The following DTNBP1 variants were observed in gnomAD, a reference collection of about 807,000 sequenced individuals.
DTNBP1 encodes dystrobrevin binding protein 1.
In DTNBP1, 35 loss-of-function variants were observed where a neutral mutation model predicts 42.8. The observed-to-expected ratio is 0.82, with a 90% CI of 0.63 to 1.09. The LOEUF (loss-of-function observed/expected upper bound fraction) is 1.09. DTNBP1 is among the 50% of genes least tolerant of loss of function. The pLI, the probability that DTNBP1 is intolerant of heterozygous loss-of-function variation, is 0.00. For synonymous variants in DTNBP1, 171 were observed against 162.2 expected, an observed-to-expected ratio of 1.05 and a Z score of -0.41; for missense variants, 457 against 424.2, an observed-to-expected ratio of 1.08 and a Z score of -0.68.
At chr6:15,646,980 C>T (rs922265679) in intron 3 of DTNBP1, among the ~76,000 whole-genome samples, 1 of 151,856 alleles carries the variant, frequency 6.6e-6, no homozygotes, top group African/African-American at 2.4e-5. Flanking sequence ...ACTAAGACAT[C>T]AAAAACAATT....
intron 9 of DTNBP1, chr6:15,523,436 A>G: frequency 7.9e-7 from 1 of 1,273,238 alleles, no homozygotes; most frequent in Non-Finnish European, 1.0e-6. Context: ...CTGTCCCCTA[A>G]GGAGTCAGCC....
At chr6:15,523,460 A>G (rs1230008240) in intron 9 of DTNBP1, 9 of 1,300,868 alleles carry the variant, frequency 6.9e-6, no homozygotes, top group Non-Finnish European at 8.0e-6. Context: ...TGTGACACAG[A>G]TCAAGTGCTC....
intron 7 of DTNBP1, among the ~76,000 whole-genome samples, chr6:15,560,303 CAAAA>C (rs551642924): frequency 7.5e-6 from 1 of 133,834 alleles, no homozygotes; most frequent in Non-Finnish European, 1.6e-5. Flanking sequence ...GAGACTGTCT[CAAAA>C]AAAAAAAAAG....
intron 6 of DTNBP1, 112 bp from the exon 7 acceptor site, chr6:15,593,193 T>C: frequency 1.0e-6 from 1 of 964,738 alleles, no homozygotes; most frequent in Non-Finnish European, 1.6e-6. Context: ...CACAGTGGTA[T>C]TTCTGGATCT....
intron 6 of DTNBP1, among the ~76,000 whole-genome samples, chr6:15,605,730 C>A (rs766031444): frequency 1.3e-5 from 2 of 152,024 alleles, no homozygotes; most frequent in African/African-American, 4.8e-5. Context: ...TCTTTCTTTA[C>A]GAAAAATGTA....
intron 7 of DTNBP1, among the ~76,000 whole-genome samples, chr6:15,555,263 T>C (rs867093431): frequency 1.3e-5 from 2 of 151,556 alleles, no homozygotes; most frequent in African/African-American, 4.9e-5. Flanking sequence ...ATATTTACCA[T>C]TTAGGATGTT....
chr6:15,650,415 G>C (rs1311594420), intron 3 of DTNBP1, among the ~76,000 whole-genome samples: 3 of 152,060 alleles, frequency 2.0e-5, no homozygotes, highest in Non-Finnish European at 4.4e-5. Flanking sequence ...CGAGTAGCTA[G>C]GATTGCAGGC....
At chr6:15,626,667 A>C (rs1467601001) in intron 5 of DTNBP1, among the ~76,000 whole-genome samples, 2 of 152,234 alleles carry the variant, frequency 1.3e-5, no homozygotes, top group African/African-American at 4.8e-5. Flanking sequence ...AAAGAATACC[A>C]ACATAATCCA....
At chr6:15,559,889 G>A (rs1774744216) in intron 7 of DTNBP1, among the ~76,000 whole-genome samples, 1 of 152,158 alleles carries the variant, frequency 6.6e-6, no homozygotes, top group Admixed American at 6.5e-5. Context: ...CCCACAACCA[G>A]GAGGATGCAG....
At chr6:15,662,748 G>A in intron 1 of DTNBP1, 66 bp downstream of exon 1, 3 of 1,598,696 alleles carry the variant, frequency 1.9e-6, no homozygotes, top group East Asian at 4.5e-5. Context: ...AGGGAGCGAG[G>A]CAGGGGCATC....
intron 6 of DTNBP1, among the ~76,000 whole-genome samples, chr6:15,607,389 C>T (rs570907435): frequency 6.6e-6 from 1 of 152,258 alleles, no homozygotes; most frequent in African/African-American, 2.4e-5. Context: ...GCAACCTCCA[C>T]CTCCGGAGTT....
intron 5 of DTNBP1, among the ~76,000 whole-genome samples, chr6:15,617,150 C>G (rs977787965): frequency 2.0e-5 from 3 of 152,028 alleles, no homozygotes; most frequent in Non-Finnish European, 4.4e-5. Context: ...TTGCTTGAGC[C>G]TAGGAGTTTC....
At chr6:15,548,428 AACACACACAGACAC>A (rs1392282224) in intron 7 of DTNBP1, 1 of 118,592 alleles carries the variant, frequency 8.4e-6, no homozygotes, top group Non-Finnish European at 1.7e-5. Flanking sequence ...TCTAAGCTTA[AACACACACAGACAC>A]ACACACACAC....
At chr6:15,529,259 T>C (rs1448984632) in intron 8 of DTNBP1, among the ~76,000 whole-genome samples, 1 of 152,178 alleles carries the variant, frequency 6.6e-6, no homozygotes, top group East Asian at 1.9e-4. Flanking sequence ...CACTCCAGCC[T>C]GGGTGACAGT....
chr6:15,577,363 AGCCCAGGGAGGAT>A (rs1775624893), intron 7 of DTNBP1, among the ~76,000 whole-genome samples: 1 of 152,230 alleles, frequency 6.6e-6, no homozygotes, highest in Admixed American at 6.5e-5. Flanking sequence ...AGAGGCAGGA[AGCCCAGGGAGGAT>A]GCCCGCACGG....
intron 7 of DTNBP1, chr6:15,548,444 C>CACAGACACACACAG (rs1554159376): frequency 1.5e-5 from 2 of 131,276 alleles, no homozygotes; most frequent in African/African-American, 5.8e-5. Flanking sequence ...CACAGACACA[C>CACAGACACACACAG]ACACACACAC....
chr6:15,642,073 C>T (rs1326893319), intron 3 of DTNBP1, among the ~76,000 whole-genome samples: 1 of 152,172 alleles, frequency 6.6e-6, no homozygotes, highest in African/African-American at 2.4e-5. Flanking sequence ...TCCACCTCTA[C>T]TGAAAGTGAG....
At position 15,522,884 on chromosome 6, in the gene DTNBP1, A is replaced by C; in HGVS notation, c.*91T>G. On this transcript the variant is annotated 3_prime_UTR_variant, in exon 10 of 10. Transcript: ENST00000344537. ...ATTGGCAATTATGTAAAAATCAAGA[A>C]CCTCTATAAAACAACCTGGCTTTCC... 1 of 1,606,782 alleles carries C rather than the reference A, an allele frequency of 6.2e-7. No homozygotes were observed. The highest frequency in any genetic ancestry group is 8.5e-7 in the Non-Finnish European group (1 of 1,175,576).
At chr6:15,656,542 A>T (rs1761291657) in intron 1 of DTNBP1, among the ~76,000 whole-genome samples, 1 of 152,066 alleles carries the variant, frequency 6.6e-6, no homozygotes, top group African/African-American at 2.4e-5. Flanking sequence ...AAAGTGTAAA[A>T]GGATGTAAAT....
Sources: gnomAD v4.1 joint callset for allele counts (sites outside exome capture counted in the v4.1 genomes callset) on GRCh38, gnomAD v4.1.1 for gene constraint, MANE v1.5 for transcripts, NCBI Gene and HGNC (gene_info 2026-07-23, HGNC 2026-07-21) for gene names.